PDE11A: variants seen among roughly 807,000 people sequenced by gnomAD.
PDE11A encodes the protein phosphodiesterase 11A.
PDE11A carries 100 observed loss-of-function variants against 100.5 expected under a neutral mutation model. That is an observed-to-expected ratio of 1.00 (90% CI 0.85 to 1.18). PDE11A has a LOEUF of 1.18. Ranked by LOEUF, PDE11A falls within the 50% of genes most tolerant of loss-of-function variation. PDE11A has a pLI of 0.00. For synonymous variants in PDE11A, 381 were observed against 420.8 expected, an observed-to-expected ratio of 0.91 and a Z score of 1.16; for missense variants, 1,141 against 1,152.6, an observed-to-expected ratio of 0.99 and a Z score of 0.15.
chr2:177,915,681 C>T (rs930548426), intron 2 of PDE11A, among the ~76,000 whole-genome samples: 4 of 152,146 alleles, frequency 2.6e-5, no homozygotes, highest in African/African-American at 9.7e-5. Context: ...TTTGTGTAGA[C>T]ATAATTTTTT....
intron 2 of PDE11A, among the ~76,000 whole-genome samples, chr2:178,007,701 T>C (rs1019500956): frequency 6.6e-6 from 1 of 152,120 alleles, no homozygotes; most frequent in Non-Finnish European, 1.5e-5. Flanking sequence ...TTTTCATTTA[T>C]TTATTTATTT....
chr2:177,826,789 C>T (rs2083232419), intron 6 of PDE11A, among the ~76,000 whole-genome samples: 1 of 152,164 alleles, frequency 6.6e-6, no homozygotes, highest in African/African-American at 2.4e-5. Context: ...CCTTCCTTTC[C>T]CTTCTGCTCA....
At chr2:177,804,142 GA>G (rs1043798536) in intron 9 of PDE11A, among the ~76,000 whole-genome samples, 1 of 150,112 alleles carries the variant, frequency 6.7e-6, no homozygotes, top group Non-Finnish European at 1.5e-5. Context: ...TCCTCTACAG[GA>G]AAAAAAAATC....
chr2:178,054,717 C>G (rs539783955), intron 1 of PDE11A, among the ~76,000 whole-genome samples: 68 of 152,318 alleles, frequency 4.5e-4, no homozygotes, highest in African/African-American at 1.6e-3. Flanking sequence ...CCAAAGAAGA[C>G]ATTTATGCAG....
intron 2 of PDE11A, among the ~76,000 whole-genome samples, chr2:178,002,814 G>T (rs2086161424): frequency 6.6e-6 from 1 of 152,164 alleles, no homozygotes; most frequent in Admixed American, 6.6e-5. Flanking sequence ...AAAAATGATT[G>T]AAGCTGATAA....
At chr2:177,904,348 CTTTCAATCCAAAAATGG>C (rs1247228802) in intron 3 of PDE11A, among the ~76,000 whole-genome samples, 7 of 152,138 alleles carry the variant, frequency 4.6e-5, no homozygotes, top group African/African-American at 1.4e-4. Flanking sequence ...TTCAGAAACC[CTTTCAATCCAAAAATGG>C]TTTCAATCCA....
At chr2:177,886,408 TA>T (rs2084430229) in intron 4 of PDE11A, among the ~76,000 whole-genome samples, 1 of 152,200 alleles carries the variant, frequency 6.6e-6, no homozygotes, top group Non-Finnish European at 1.5e-5. Context: ...ATCCATTCAG[TA>T]AACTGAACAG....
rs55861102 is a variant in PDE11A at position 177,795,935 on chromosome 2, C to CTATATATATATATATATA, written c.1737+20876_1737+20893dup. 1.7e-3 allele frequency among the ~76,000 whole-genome samples: 115 copies of CTATATATATATATATATA among 67,234 alleles called. 4 individuals carry two copies. The highest frequency in any genetic ancestry group is 2.7e-3 in the Non-Finnish European group (74 of 27,580). The allele number at this position is 67,234 out of a possible 152,430, so 44.1% of individuals were successfully genotyped here. A position where few individuals can be genotyped will look rare whatever the true frequency, so the allele number is the denominator to read the frequency against. ...AATTATTACTATTATTTTGTTTAAA[C>CTATATATATATATATATA]TATATATATATATATATATATATAT... On this transcript the variant is annotated intron_variant, in intron 9 of 19. Coordinates refer to ENST00000286063, the MANE Select transcript of PDE11A (RefSeq NM_016953.4).
At chr2:177,652,386 C>T (rs1047604637) in intron 19 of PDE11A, among the ~76,000 whole-genome samples, 4 of 152,130 alleles carry the variant, frequency 2.6e-5, no homozygotes, top group East Asian at 1.9e-4. Context: ...GGCCTGCAGA[C>T]GGCTAGGTGA....
intron 10 of PDE11A, among the ~76,000 whole-genome samples, chr2:177,745,714 G>A (rs978277779): frequency 1.3e-5 from 2 of 152,194 alleles, no homozygotes; most frequent in East Asian, 3.9e-4. Context: ...GGAACACCCT[G>A]TCCCCAGTGG....
intron 10 of PDE11A, among the ~76,000 whole-genome samples, chr2:177,737,733 C>T (rs1462867679): frequency 1.3e-5 from 2 of 152,158 alleles, no homozygotes; most frequent in African/African-American, 4.8e-5. Flanking sequence ...TTAAAACTTC[C>T]TGAGAGCCAA....
intron 10 of PDE11A, among the ~76,000 whole-genome samples, chr2:177,743,829 G>A (rs1285089949): frequency 1.3e-5 from 2 of 152,172 alleles, no homozygotes; most frequent in Non-Finnish European, 2.9e-5. Flanking sequence ...ATCAGGAAGG[G>A]GTGATTGAAT....
intron 9 of PDE11A, among the ~76,000 whole-genome samples, chr2:177,807,668 C>A (rs371414922): frequency 6.6e-6 from 1 of 152,172 alleles, no homozygotes; most frequent in Non-Finnish European, 1.5e-5. Context: ...TCAAGTGATC[C>A]TCCTGCCTTG....
intron 12 of PDE11A, among the ~76,000 whole-genome samples, chr2:177,723,910 A>G (rs1303198052): frequency 6.6e-6 from 1 of 152,106 alleles, no homozygotes; most frequent in Non-Finnish European, 1.5e-5. Context: ...GTCATTTCCG[A>G]TATCTAGTCT....
At chr2:177,874,117 G>A (rs1039556942) in intron 5 of PDE11A, among the ~76,000 whole-genome samples, 1 of 152,120 alleles carries the variant, frequency 6.6e-6, no homozygotes, top group African/African-American at 2.4e-5. Context: ...GATTTTAAAT[G>A]ACGTGTGGTT....
intron 2 of PDE11A, among the ~76,000 whole-genome samples, chr2:177,973,310 CAAAG>C (rs2085797733): frequency 1.8e-5 from 2 of 110,864 alleles, no homozygotes; most frequent in African/African-American, 7.3e-5. Flanking sequence ...CTTTCCGAGT[CAAAG>C]AAAGGGGTGA....
intron 2 of PDE11A, among the ~76,000 whole-genome samples, chr2:178,080,487 T>C (rs1315219181): frequency 6.6e-6 from 1 of 152,192 alleles, no homozygotes; most frequent in African/African-American, 2.4e-5. Flanking sequence ...AGTTCTCTAT[T>C]CTGTTCCATT....
chr2:177,831,023 G>C (rs1051379942), intron 6 of PDE11A, among the ~76,000 whole-genome samples: 2 of 152,102 alleles, frequency 1.3e-5, no homozygotes, highest in African/African-American at 2.4e-5. Context: ...AAAGAGTCTG[G>C]CCTTAAAACC....
intron 10 of PDE11A, among the ~76,000 whole-genome samples, chr2:177,731,281 C>T (rs1441013046): frequency 6.6e-6 from 1 of 152,116 alleles, no homozygotes; most frequent in African/African-American, 2.4e-5. Flanking sequence ...GCCTGATAAT[C>T]TTTAGTTTTC....
Sources: gnomAD v4.1 joint callset for allele counts (sites outside exome capture counted in the v4.1 genomes callset) on GRCh38, gnomAD v4.1.1 for gene constraint, MANE v1.5 for transcripts, NCBI Gene and HGNC (gene_info 2026-07-23, HGNC 2026-07-21) for gene names.